The following FLVCR1 variants were observed in gnomAD, a reference collection of about 807,000 sequenced individuals.
FLVCR1 encodes the protein choline/ethanolamine transporter FLVCR1.
A neutral mutation model predicts 53.6 loss-of-function variants in FLVCR1; 34 were observed. The ratio of observed to expected loss-of-function variants is 0.63; its 90% CI spans 0.48 to 0.84. The LOEUF is 0.84. Ranked by LOEUF, FLVCR1 falls within the 40% of genes least tolerant of loss-of-function variation. The pLI is 0.00. For missense variants in FLVCR1, 677 were observed against 696.7 expected (o/e 0.97, Z 0.32); for synonymous variants, 300 against 286.3 (o/e 1.05, Z -0.48).
In FLVCR1 at chr1:212,858,285, C is replaced by G. The variant is rs1572000804; in HGVS notation, c.-168C>G. The G allele has an allele frequency of 2.7e-5, 18 of 655,970 alleles. No individual in the cohort carries two copies. In the East Asian group the frequency reaches 5.5e-4, roughly 20 times the overall value. The allele number at this position is 655,970 out of a possible 1,614,324, so 40.6% of individuals were successfully genotyped here. A position where few individuals can be genotyped will look rare whatever the true frequency, so the allele number is the denominator to read the frequency against. On this transcript the variant is annotated 5_prime_UTR_variant, in exon 1 of 10. It adds an upstream start codon to the 5' untranslated region. Transcript: ENST00000366971. ...GCGGCGCGGGGGAGGAGACCTTCAT[C>G]TGTTCACGCGGTAGCGCGGATTGCG...
rs530750125 is a variant in FLVCR1, at chr1:212,865,720, G to C, written c.883+1851G>C. Among the ~76,000 whole-genome samples the C allele has an allele frequency of 3.9e-5, 6 of 151,944 alleles. No homozygotes were observed. The East Asian group carries it at 1.2e-3, about 29-fold the overall frequency. On this transcript the variant is annotated intron_variant, in intron 2 of 9. Transcript: ENST00000366971. ...TGGTCTCAAACTCCTGACCTCAAAT[G>C]ATCCACCTGCCTCAACCTCCCAAAG...
chr1:212,887,812 T>C, intron 5 of FLVCR1, 79 bp from the exon 6 acceptor site: 1 of 766,444 alleles, frequency 1.3e-6, no homozygotes. Context: ...GATTCATTAC[T>C]GAACAGGTAA....
Position 212,885,308 on chromosome 1 carries a change from G to A in FLVCR1, c.1108G>A (p.Ala370Thr). ...LTYYEGEEVN[A>T]GRIGLTLVVA... ...TTTTTTTCAGGGAGAAGAAGTCAAT[G>A]CTGGAAGGATTGGGCTAACGCTAGT... The change falls in exon 5 of 10, where the codon GCT (alanine) becomes ACT (threonine). Residue 370 changes from alanine (A) to threonine (T), a missense_variant. Physicochemically the swap from Ala to Thr is moderately conservative, Grantham distance 58. Coordinates refer to ENST00000366971, the MANE Select transcript of FLVCR1 (RefSeq NM_014053.4). 1 of 1,613,868 alleles carries A rather than the reference G, an allele frequency of 6.2e-7. No individual in the cohort carries two copies. Among genetic ancestry groups the A allele is most frequent in the Non-Finnish European group, 8.5e-7 (1 of 1,179,814 alleles).
At chr1:212,864,007 G>A in intron 2 of FLVCR1, 138 bp downstream of exon 2, 1 of 739,218 alleles carries the variant, frequency 1.4e-6, no homozygotes, top group Non-Finnish European at 2.4e-6. Context: ...TCTTGCTCAG[G>A]TAATGAATGC....
intron 4 of FLVCR1, 103 bp from the exon 5 acceptor site, chr1:212,885,190 T>G (rs1345858898): frequency 1.2e-6 from 1 of 848,622 alleles, no homozygotes; most frequent in African/African-American, 1.7e-5. Context: ...GTGCTTAGTT[T>G]TATCTAATTA....
At chr1:212,868,275 T>C (rs1664499615) in intron 2 of FLVCR1, among the ~76,000 whole-genome samples, 1 of 152,118 alleles carries the variant, frequency 6.6e-6, no homozygotes, top group Admixed American at 6.6e-5. Context: ...TTTTTTATAT[T>C]TTTTGTAGAC....
chr1:212,886,647 A>G (rs1572026035), intron 5 of FLVCR1, among the ~76,000 whole-genome samples: 1 of 152,000 alleles, frequency 6.6e-6, no homozygotes, highest in African/African-American at 2.4e-5. Context: ...TGAAAATACA[A>G]AAAATAGTCA....
At chr1:212,883,797 C>G (rs1344015041) in intron 4 of FLVCR1, among the ~76,000 whole-genome samples, 1 of 149,234 alleles carries the variant, frequency 6.7e-6, no homozygotes, top group Non-Finnish European at 1.5e-5. Flanking sequence ...AGGAGTAAAA[C>G]AAAGGGGACT....
chr1:212,888,198 A>G (rs1665107323), intron 6 of FLVCR1, among the ~76,000 whole-genome samples, 197 bp downstream of exon 6: 1 of 152,224 alleles, frequency 6.6e-6, no homozygotes, highest in East Asian at 1.9e-4. Context: ...TTGGTATACC[A>G]TAGGTAAAAA....
At position 212,895,699 on chromosome 1, in the gene FLVCR1, A is replaced by C. The variant is rs1002020542; in HGVS notation, c.*409A>C. ...TAATAGTTCATGCAGTTTATATATT[A>C]AAGTATCCAGTGGAACTAAATGTAC... On this transcript the variant is annotated 3_prime_UTR_variant, in exon 10 of 10. Coordinates refer to ENST00000366971, the MANE Select transcript of FLVCR1 (RefSeq NM_014053.4). The C allele has an allele frequency of 3.9e-6, 1 of 254,810 alleles. No individual in the cohort carries two copies. Among genetic ancestry groups the C allele is most frequent in the African/African-American group, 2.3e-5 (1 of 43,536 alleles). 15.8% of individuals were successfully genotyped at this position (254,810 alleles called of 1,614,324 possible).
chr1:212,888,217 G>T (rs1665107968), intron 6 of FLVCR1, among the ~76,000 whole-genome samples: 1 of 152,124 alleles, frequency 6.6e-6, no homozygotes, highest in Admixed American at 6.6e-5. Flanking sequence ...AAATGGATGA[G>T]CCTTACTTAA....
intron 7 of FLVCR1, 120 bp downstream of exon 7, chr1:212,888,714 T>C: frequency 2.5e-6 from 2 of 810,718 alleles, no homozygotes; most frequent in Admixed American, 4.0e-5. Context: ...AGACAGAGTC[T>C]TGCTCAGCCA....
chr1:212,877,077 C>G (rs968597826), intron 3 of FLVCR1, among the ~76,000 whole-genome samples: 1 of 148,558 alleles, frequency 6.7e-6, no homozygotes, highest in East Asian at 2.0e-4. Context: ...TTGCATTTCT[C>G]TAATTATCAG....
At chr1:212,864,523 T>G (rs1003153544) in intron 2 of FLVCR1, 1 of 152,580 alleles carries the variant, frequency 6.6e-6, no homozygotes, top group Non-Finnish European at 1.5e-5. Flanking sequence ...TGGGAAGGTC[T>G]GCTTTTTAAA....
intron 5 of FLVCR1, among the ~76,000 whole-genome samples, chr1:212,887,387 TA>T (rs1344474501): frequency 6.6e-6 from 1 of 152,236 alleles, no homozygotes; most frequent in Non-Finnish European, 1.5e-5. Context: ...AGATGAAAAT[TA>T]TGGCTGGCAT....
chr1:212,878,338 T>TA (rs1234261475), intron 3 of FLVCR1, among the ~76,000 whole-genome samples: 2 of 151,854 alleles, frequency 1.3e-5, no homozygotes, highest in African/African-American at 4.8e-5. Flanking sequence ...CTGTCTCTTC[T>TA]AAAAATACAA....
chr1:212,858,507 G>C lies in FLVCR1; in HGVS notation c.55G>C (p.Ala19Pro), dbSNP rs1334605952. ...GAAVAPGHPLAKGYLPLPRGA... is the reference protein window; with the variant it reads ...GAAVAPGHPLPKGYLPLPRGA... The stretch of plus-strand genomic sequence containing the variant: ...GGCGGTGGCGCCCGGACACCCGCTC[G>C]CGAAAGGATACCTCCCGTTGCCGAG... Residue 19 changes from alanine to proline, a missense_variant, in exon 1 of 10, where the codon GCG becomes CCG. By Grantham distance (27) the Ala-to-Pro change is conservative (BLOSUM62 -1). Transcript: ENST00000366971. 6.9e-7 allele frequency: 1 copy of C among 1,449,258 alleles called. No individual in the cohort carries two copies. Among genetic ancestry groups the C allele is most frequent in the African/African-American group, 1.4e-5 (1 of 69,854 alleles). The allele number at this position is 1,449,258 out of a possible 1,614,324, so 89.8% of individuals were successfully genotyped here. A position where few individuals can be genotyped will look rare whatever the true frequency, so the allele number is the denominator to read the frequency against.
chr1:212,869,084 G>T (rs1311377549), intron 2 of FLVCR1, among the ~76,000 whole-genome samples: 4 of 152,142 alleles, frequency 2.6e-5, no homozygotes, highest in African/African-American at 9.7e-5. Flanking sequence ...GTTAAAATAC[G>T]GTTTTAAAAT....
At chr1:212,884,942 A>G (rs1211681153) in intron 4 of FLVCR1, among the ~76,000 whole-genome samples, 1 of 152,248 alleles carries the variant, frequency 6.6e-6, no homozygotes, top group Non-Finnish European at 1.5e-5. Flanking sequence ...ACAGGATCAT[A>G]CTGTATATAT....
Sources: allele counts gnomAD v4.1 joint callset (sites outside exome capture counted in the v4.1 genomes callset), GRCh38; gene constraint gnomAD v4.1.1; transcripts MANE v1.5; gene names NCBI Gene and HGNC (gene_info 2026-07-23, HGNC 2026-07-21).